The following NSUN6 variants were observed in gnomAD, a reference collection of about 807,000 sequenced individuals.
NSUN6 encodes tRNA (cytosine(72)-C(5))-methyltransferase NSUN6.
NSUN6 carries 64 observed loss-of-function variants against 58.0 expected under a neutral mutation model. That is an observed-to-expected ratio of 1.10 (90% CI 0.90 to 1.36). NSUN6 has a LOEUF of 1.36. Among genes scored for constraint, NSUN6 ranks in the 40% most tolerant of loss-of-function variants. The pLI, the probability that NSUN6 is intolerant of heterozygous loss-of-function variation, is 0.00. For missense variants in NSUN6, 701 were observed against 550.1 expected (o/e 1.27, Z -2.74); for synonymous variants, 231 against 193.9 (o/e 1.19, Z -1.59).
chr10:18,592,243 A>G lies in NSUN6; in HGVS notation c.777+3965T>C, dbSNP rs181752861. On this transcript the variant is annotated intron_variant, in intron 7 of 10. Transcript: ENST00000377304. ...AGAGGACACAAACAAATGGAAACAA[A>G]TTCCATGCTCGTGGATAGGAAGAAT... Among the ~76,000 whole-genome samples, 690 of 152,316 alleles carry G rather than the reference A, an allele frequency of 4.5e-3. 1 individual carries two copies. Among genetic ancestry groups the G allele is most frequent in the Non-Finnish European group, 7.1e-3 (486 of 68,030 alleles).
intron 10 of NSUN6, 100 bp from the exon 11 acceptor site, chr10:18,546,245 C>T: frequency 1.2e-6 from 1 of 840,262 alleles, no homozygotes; most frequent in South Asian, 1.4e-5. Context: ...GTAACGACTA[C>T]ATCTTCCAAA....
chr10:18,659,147 C>G (rs2059810655), upstream of NSUN6: 1 of 156,950 alleles, frequency 6.4e-6, no homozygotes, highest in South Asian at 1.8e-4. Context: ...AGGCTGACAT[C>G]AGAAGGAGCA....
chr10:18,622,233 C>G (rs113547802), intron 3 of NSUN6, among the ~76,000 whole-genome samples: 1 of 152,078 alleles, frequency 6.6e-6, no homozygotes, highest in African/African-American at 2.4e-5. Context: ...TGCCTTTATA[C>G]GAGACCAAAG....
Position 18,609,944 on chromosome 10 carries a change from TA to T in NSUN6, c.576-19del. 7.0e-7 allele frequency: 1 copy of T among 1,432,782 alleles called. No homozygotes were observed. Among genetic ancestry groups the T allele is most frequent in the Non-Finnish European group, 9.8e-7 (1 of 1,015,398 alleles). 88.8% of individuals were successfully genotyped at this position (1,432,782 alleles called of 1,614,324 possible). A position where few individuals can be genotyped will look rare whatever the true frequency, so the allele number is the denominator to read the frequency against. On this transcript the variant is annotated intron_variant, in intron 5 of 10. Transcript: ENST00000377304. The stretch of plus-strand genomic sequence containing the variant: ...CCATGCCTCTGAAAAATAGGAAATC[TA>T]ACATTAGTCTGTATAAATTCCATGG...
At chr10:18,567,869 TCTCCATACCATC>T (rs2056080758) in intron 8 of NSUN6, among the ~76,000 whole-genome samples, 1 of 149,982 alleles carries the variant, frequency 6.7e-6, no homozygotes, top group African/African-American at 2.5e-5. Flanking sequence ...TCTATTCCAT[TCTCCATACCATC>T]CTCCATTCCA....
intron 8 of NSUN6, among the ~76,000 whole-genome samples, chr10:18,570,159 T>A (rs998121478): frequency 7.3e-5 from 11 of 150,958 alleles, no homozygotes; most frequent in African/African-American, 1.2e-4. Context: ...CCATTCTCCA[T>A]TCCATTCCAC....
chr10:18,609,712 T>G, intron 6 of NSUN6, 133 bp downstream of exon 6: 1 of 486,890 alleles, frequency 2.1e-6, no homozygotes. Context: ...TTCTTACTGC[T>G]TAACCAAAGG....
intron 8 of NSUN6, among the ~76,000 whole-genome samples, chr10:18,554,928 C>T (rs1323974076): frequency 8.4e-6 from 1 of 119,306 alleles, no homozygotes; most frequent in Non-Finnish European, 1.8e-5. Flanking sequence ...GGAATGGAAT[C>T]AAGAATGGAA....
intron 7 of NSUN6, among the ~76,000 whole-genome samples, chr10:18,592,057 G>A (rs2057397588): frequency 1.3e-5 from 2 of 152,098 alleles, no homozygotes; most frequent in South Asian, 4.1e-4. Flanking sequence ...AAAATCACAA[G>A]CATTCCTTTA....
At chr10:18,550,445 T>A (rs919223909) in intron 9 of NSUN6, among the ~76,000 whole-genome samples, 2 of 152,146 alleles carry the variant, frequency 1.3e-5, no homozygotes, top group African/African-American at 4.8e-5. Flanking sequence ...AGAACATCCA[T>A]TGTTGCTCTA....
At chr10:18,557,068 G>T (rs750946347) in intron 8 of NSUN6, among the ~76,000 whole-genome samples, 1 of 151,824 alleles carries the variant, frequency 6.6e-6, no homozygotes, top group Non-Finnish European at 1.5e-5. Flanking sequence ...AAATGGAATG[G>T]AATGCAGCAT....
At chr10:18,654,029 A>C (rs1321858746), upstream of NSUN6, among the ~76,000 whole-genome samples, 1 of 152,198 alleles carries the variant, frequency 6.6e-6, no homozygotes, top group African/African-American at 2.4e-5. Context: ...GTATGGGAGA[A>C]TTAGCAGGAA....
At chr10:18,632,610 C>G (rs1212480821) in intron 3 of NSUN6, among the ~76,000 whole-genome samples, 3 of 152,080 alleles carry the variant, frequency 2.0e-5, no homozygotes, top group Admixed American at 2.0e-4. Context: ...TGAACAGACA[C>G]TTCTCAAAAG....
intron 8 of NSUN6, among the ~76,000 whole-genome samples, chr10:18,579,353 G>A (rs575040410): frequency 7.4e-4 from 113 of 152,122 alleles, no homozygotes; most frequent in Admixed American, 1.2e-3. Flanking sequence ...TGTATTTTTA[G>A]TAGAGACAGG....
At chr10:18,587,266 T>C (rs2057193685) in intron 7 of NSUN6, among the ~76,000 whole-genome samples, 1 of 152,088 alleles carries the variant, frequency 6.6e-6, no homozygotes, top group Non-Finnish European at 1.5e-5. Context: ...TTAAAGTGCT[T>C]TGAGATGCAA....
intron 8 of NSUN6, among the ~76,000 whole-genome samples, chr10:18,560,113 G>C (rs1014009974): frequency 1.3e-5 from 2 of 150,880 alleles, no homozygotes; most frequent in African/African-American, 4.9e-5. Flanking sequence ...GAAGGGAAGG[G>C]AATGGAATGG....
upstream of NSUN6, among the ~76,000 whole-genome samples, chr10:18,656,839 T>C (rs1481437837): frequency 1.1e-5 from 1 of 94,832 alleles, no homozygotes; most frequent in Non-Finnish European, 2.3e-5. Context: ...TTTTTTTTTT[T>C]TTTGGTTCAG....
At chr10:18,586,836 G>A (rs1403516688) in intron 7 of NSUN6, among the ~76,000 whole-genome samples, 1 of 152,148 alleles carries the variant, frequency 6.6e-6, no homozygotes, top group East Asian at 1.9e-4. Flanking sequence ...CCCACATCCT[G>A]CCTATTGGTC....
chr10:18,600,368 T>C (rs891575073), intron 6 of NSUN6, among the ~76,000 whole-genome samples: 12 of 152,222 alleles, frequency 7.9e-5, no homozygotes, highest in Non-Finnish European at 1.5e-4. Context: ...CTCATGCCTG[T>C]AATCCCAGCA....
Sources: gnomAD v4.1 joint callset for allele counts (sites outside exome capture counted in the v4.1 genomes callset) on GRCh38, gnomAD v4.1.1 for gene constraint, MANE v1.5 for transcripts, NCBI Gene and HGNC (gene_info 2026-07-23, HGNC 2026-07-21) for gene names.